Variants in SASH1 observed in about 807,000 individuals in gnomAD.
The protein encoded by SASH1 is SAM and SH3 domain containing 1.
In SASH1, 44 loss-of-function variants were observed where a neutral mutation model predicts 125.2. The observed-to-expected ratio is 0.35, with a 90% CI of 0.28 to 0.45. The LOEUF (loss-of-function observed/expected upper bound fraction) is 0.45, where lower values mean the gene tolerates loss of function less well. Among genes scored for constraint, SASH1 ranks in the 20% least tolerant of loss-of-function variants. The pLI, the probability that SASH1 is intolerant of heterozygous loss-of-function variation, is 1.00. For synonymous variants in SASH1, 639 were observed against 649.1 expected (o/e 0.98, Z 0.24); for missense variants, 1,426 against 1,614.5 (o/e 0.88, Z 2.00).
the SASH1 span, among the ~76,000 whole-genome samples, chr6:148,227,007 T>C: frequency 5.3e-5 from 8 of 152,140 alleles, no homozygotes; most frequent in Non-Finnish European, 1.2e-4. Context: ...GCAGGGAAAC[T>C]TGGAGTCAGG....
upstream of SASH1, among the ~76,000 whole-genome samples, chr6:148,270,440 G>A (rs1175709242): frequency 6.6e-6 from 1 of 152,074 alleles, no homozygotes; most frequent in East Asian, 1.9e-4. Context: ...TGATACCGAT[G>A]AGCAGAATTA....
the SASH1 span, among the ~76,000 whole-genome samples, chr6:148,214,784 A>C: frequency 6.6e-6 from 1 of 152,212 alleles, no homozygotes; most frequent in Non-Finnish European, 1.5e-5. Context: ...AGTGCTTTGC[A>C]TGACATGAGA....
At chr6:148,361,934 GAC>G (rs1309225817) in intron 1 of SASH1, among the ~76,000 whole-genome samples, 1 of 104,228 alleles carries the variant, frequency 9.6e-6, no homozygotes, top group African/African-American at 3.6e-5. Flanking sequence ...TTTTTTTTGA[GAC>G]AGAGTCTCAC....
chr6:148,344,791 C>T (rs1366040296), intron 1 of SASH1, among the ~76,000 whole-genome samples: 15 of 150,258 alleles, frequency 1.0e-4, no homozygotes, highest in South Asian at 4.2e-4. Context: ...AGTCTTGCTC[C>T]GTCGCCCAGG....
chr6:148,403,711 T>C (rs1784268469), intron 2 of SASH1, among the ~76,000 whole-genome samples: 1 of 152,124 alleles, frequency 6.6e-6, no homozygotes, highest in Non-Finnish European at 1.5e-5. Context: ...TTTGTATTTT[T>C]AGTAGAGATT....
At chr6:148,334,527 C>T (rs917432982) in intron 1 of SASH1, among the ~76,000 whole-genome samples, 2 of 146,824 alleles carry the variant, frequency 1.4e-5, no homozygotes, top group African/African-American at 2.5e-5. Context: ...TTTAAGAATT[C>T]GAGGCCGGGT....
intron 8 of SASH1, among the ~76,000 whole-genome samples, chr6:148,491,514 C>A (rs892557156): frequency 5.3e-5 from 8 of 152,212 alleles, no homozygotes; most frequent in Non-Finnish European, 1.5e-5. Flanking sequence ...AGGTGATTCA[C>A]CCGCCTCGGC....
intron 8 of SASH1, chr6:148,508,651 A>G (rs1779941352): frequency 1.7e-6 from 2 of 1,161,636 alleles, no homozygotes; most frequent in South Asian, 1.7e-5. Context: ...AAAGAAGCTA[A>G]TTGAATCCAG....
the SASH1 span, among the ~76,000 whole-genome samples, chr6:148,245,723 C>T: frequency 6.6e-5 from 10 of 152,094 alleles, no homozygotes; most frequent in Non-Finnish European, 5.9e-5. Flanking sequence ...TGCGGTGGCT[C>T]GTGGCTGTAA....
intron 1 of SASH1, among the ~76,000 whole-genome samples, chr6:148,348,281 A>G (rs1781583617): frequency 1.3e-5 from 2 of 152,208 alleles, no homozygotes; most frequent in African/African-American, 4.8e-5. Flanking sequence ...GGCGTGAGCC[A>G]CTGCGCCTGG....
chr6:148,361,532 G>T (rs1782205929), intron 1 of SASH1, among the ~76,000 whole-genome samples: 1 of 152,034 alleles, frequency 6.6e-6, no homozygotes, highest in Admixed American at 6.6e-5. Context: ...AACCTGGGAG[G>T]CAGAGGTTGT....
chr6:148,260,598 CCT>C, the SASH1 span, among the ~76,000 whole-genome samples: 1 of 147,658 alleles, frequency 6.8e-6, no homozygotes, highest in African/African-American at 2.5e-5. Context: ...AAAGCAAGAC[CCT>C]GTCTTTAAAA....
intron 9 of SASH1, among the ~76,000 whole-genome samples, chr6:148,518,518 T>G (rs190857431): frequency 3.5e-4 from 54 of 152,312 alleles, no homozygotes; most frequent in African/African-American, 1.3e-3. Context: ...CCCCTTTTTC[T>G]CTGACATTTA....
chr6:148,497,018 TAGG>T (rs1334074093), intron 8 of SASH1, among the ~76,000 whole-genome samples: 5 of 152,304 alleles, frequency 3.3e-5, no homozygotes, highest in African/African-American at 4.8e-5. Context: ...TTTCGCTGGG[TAGG>T]AGATTATAGG....
the SASH1 span, among the ~76,000 whole-genome samples, chr6:148,219,280 C>T: frequency 6.6e-6 from 1 of 152,154 alleles, no homozygotes; most frequent in Admixed American, 6.5e-5. Context: ...CTTCTTTTTA[C>T]TTCATATCTT....
chr6:148,528,318 A>T (rs896573873), intron 12 of SASH1, among the ~76,000 whole-genome samples: 4 of 152,182 alleles, frequency 2.6e-5, no homozygotes, highest in African/African-American at 9.7e-5. Context: ...CTCCTCCAGC[A>T]CCTGTATAGC....
intron 1 of SASH1, among the ~76,000 whole-genome samples, chr6:148,277,748 G>A (rs200550589): frequency 6.6e-6 from 1 of 151,268 alleles, no homozygotes; most frequent in Non-Finnish European, 1.5e-5. Flanking sequence ...ACAGAGTCTT[G>A]CTCTGTCACC....
rs35101524 is a variant in SASH1 at position 148,299,317 on chromosome 6, A to AT, written n.74+26953dup. Reference sequence around the variant, plus strand: ...TTTTTTGTAATGATTTTAGAAAAGAATTTTTTTTTTTTTAGCATTTATTGG... The same window carrying AT: ...TTTTTTGTAATGATTTTAGAAAAGAATTTTTTTTTTTTTTAGCATTTATTGG... On this transcript the variant is annotated intron_variant and non_coding_transcript_variant, in intron 1 of 3. Transcript: ENST00000367469. Among the ~76,000 whole-genome samples, 490 of 148,830 alleles carry AT rather than the reference A, an allele frequency of 3.3e-3. 1 individual carries two copies. Among genetic ancestry groups the AT allele is most frequent in the Non-Finnish European group, 4.5e-3 (304 of 67,064 alleles).
chr6:148,471,178 G>A (rs1001345097), intron 5 of SASH1, among the ~76,000 whole-genome samples: 2 of 150,954 alleles, frequency 1.3e-5, no homozygotes, highest in African/African-American at 2.4e-5. Context: ...TGATGTTTCC[G>A]TTTCTCCTCT....
Sources: allele counts gnomAD v4.1 joint callset (sites outside exome capture counted in the v4.1 genomes callset), GRCh38; gene constraint gnomAD v4.1.1; transcripts MANE v1.5; gene names NCBI Gene and HGNC (gene_info 2026-07-23, HGNC 2026-07-21).